KCNAB2: variants seen among roughly 807,000 people sequenced by gnomAD.
KCNAB2 encodes the protein potassium voltage-gated channel subfamily A regulatory beta subunit 2, also known as voltage-gated potassium channel subunit beta-2.
Under a neutral mutation model 63.6 loss-of-function variants are expected in KCNAB2, and 29 were observed. That is an observed-to-expected ratio of 0.46 (90% confidence interval 0.34 to 0.62). The LOEUF (loss-of-function observed/expected upper bound fraction) is 0.62, where lower values mean the gene tolerates loss of function less well. KCNAB2 is among the 20% of genes least tolerant of loss of function. The probability of loss-of-function intolerance (pLI) is 0.01; values close to 1 mark genes in which losing one functional copy is unlikely to be tolerated. For missense variants in KCNAB2, 359 were observed against 563.9 expected, an observed-to-expected ratio of 0.64 and a Z score of 3.68; for synonymous variants, 222 against 224.2, an observed-to-expected ratio of 0.99 and a Z score of 0.09.
chr1:6,048,563 ATATTTC>A (rs1301937224), intron 1 of KCNAB2, among the ~76,000 whole-genome samples: 2 of 152,198 alleles, frequency 1.3e-5, no homozygotes, highest in Admixed American at 6.5e-5. Context: ...GGCCTTGGCT[ATATTTC>A]TAGAGCCAAA....
upstream of KCNAB2, among the ~76,000 whole-genome samples, chr1:6,045,320 C>T (rs1206378701): frequency 6.6e-6 from 1 of 152,184 alleles, no homozygotes; most frequent in Non-Finnish European, 1.5e-5. The surrounding 1 kb of genome is among the most constrained non-coding windows in gnomAD (Gnocchi z 4.8). Context: ...CATCCTGTGA[C>T]ACGCAGTGAC....
At chr1:6,046,721 G>A (rs941460888) in intron 1 of KCNAB2, among the ~76,000 whole-genome samples, 3 of 152,146 alleles carry the variant, frequency 2.0e-5, no homozygotes, top group East Asian at 1.9e-4. Flanking sequence ...GCCGCACCCC[G>A]GAATGGTAGC....
At chr1:6,002,516 C>T (rs1209016111) in intron 1 of KCNAB2, among the ~76,000 whole-genome samples, 1 of 152,260 alleles carries the variant, frequency 6.6e-6, no homozygotes, top group Non-Finnish European at 1.5e-5. Flanking sequence ...TGCCTGTCAT[C>T]TGTACTGAGG....
At position 6,087,554 on chromosome 1, in the gene KCNAB2, G is replaced by T. The variant is rs780262925; in HGVS notation, c.470+43G>T. On this transcript the variant is annotated intron_variant, in intron 7 of 15. Coordinates refer to ENST00000378083, the MANE Select transcript of KCNAB2 (RefSeq NM_001199862.2). The surrounding 1 kb of genome is among the most constrained non-coding windows in gnomAD (Gnocchi z 6.4). ...CGATGCTTCCAGCCCCGGCCCAGCAGCCACGGCCCCGTGCTCCCCAGAGAC... is the reference window on the plus strand; with the variant it reads ...CGATGCTTCCAGCCCCGGCCCAGCATCCACGGCCCCGTGCTCCCCAGAGAC... 4 of 1,605,812 alleles carry T rather than the reference G, an allele frequency of 2.5e-6. No individual in the cohort carries two copies. Among genetic ancestry groups the T allele is most frequent in the Non-Finnish European group, 2.6e-6 (3 of 1,172,962 alleles).
intron 5 of KCNAB2, among the ~76,000 whole-genome samples, chr1:6,082,549 G>A (rs1051183558): frequency 6.6e-6 from 1 of 152,144 alleles, no homozygotes; most frequent in Non-Finnish European, 1.5e-5. Flanking sequence ...GGTGAGAGGC[G>A]CGATGGAGCT....
chr1:6,022,315 GTGGTATTGAGTGTACAGTTCAT>G (rs1434456846), intron 1 of KCNAB2, among the ~76,000 whole-genome samples: 35 of 152,084 alleles, frequency 2.3e-4, no homozygotes, highest in African/African-American at 6.3e-4. Context: ...GTATGGCTCA[GTGGTATTGAGTGTACAGTTCAT>G]TGGTATTGAG....
intron 1 of KCNAB2, among the ~76,000 whole-genome samples, chr1:6,000,665 A>AG (rs1400725979): frequency 4.0e-5 from 6 of 151,512 alleles, no homozygotes; most frequent in Non-Finnish European, 7.4e-5. Flanking sequence ...AGAAAAAAAA[A>AG]AAAAAGAAAA....
Position 6,078,821 on chromosome 1 carries a change from C to T in KCNAB2, c.301-3374C>T, listed in dbSNP as rs535948109. Among the ~76,000 whole-genome samples, 224 of 152,298 alleles carry T rather than the reference C, an allele frequency of 1.5e-3. 3 individuals are homozygous for T. Among genetic ancestry groups the T allele is most frequent in the Non-Finnish European group, 1.3e-3 (87 of 68,024 alleles). On this transcript the variant is annotated intron_variant, in intron 4 of 15. Transcript: ENST00000378083. The surrounding 1 kb of genome is among the most constrained non-coding windows in gnomAD (Gnocchi z 4.2). The stretch of plus-strand genomic sequence containing the variant: ...GAAGGCACATCCTGATGTGGCAGGG[C>T]TGTCGTGGAGCCTGGGAGGCCGCAT...
rs1301274871 is a variant in KCNAB2 at position 6,099,332 on chromosome 1, C to T, written c.*758C>T. 1.9e-5 allele frequency: 3 copies of T among 155,100 alleles called. No individual in the cohort carries two copies. The highest frequency in any genetic ancestry group is 4.8e-5 in the African/African-American group (2 of 41,524). 9.6% of individuals were successfully genotyped at this position (155,100 alleles called of 1,614,324 possible). A position where few individuals can be genotyped will look rare whatever the true frequency, so the allele number is the denominator to read the frequency against. ...AAAAGCGTAGCGGTGTGATTTCTAG[C>T]TCAGCCTCCCACCGTCTTCCTCCTA... On this transcript the variant is annotated 3_prime_UTR_variant, in exon 16 of 16. Transcript: ENST00000378083.
intron 1 of KCNAB2, among the ~76,000 whole-genome samples, chr1:6,000,560 G>T (rs541408133): frequency 1.3e-5 from 2 of 151,748 alleles, no homozygotes; most frequent in Admixed American, 6.6e-5. Flanking sequence ...TGGGGCAGGC[G>T]AGCCCGCTCC....
chr1:6,067,076 G>A (rs933263792), intron 2 of KCNAB2, among the ~76,000 whole-genome samples: 1 of 152,152 alleles, frequency 6.6e-6, no homozygotes, highest in Non-Finnish European at 1.5e-5. Flanking sequence ...TGTACAAAGG[G>A]TCCCGGGAGC....
intron 1 of KCNAB2, among the ~76,000 whole-genome samples, chr1:6,004,693 G>A (rs1015543754): frequency 6.6e-6 from 1 of 151,576 alleles, no homozygotes; most frequent in Non-Finnish European, 1.5e-5. Context: ...TGGCCTCATC[G>A]CAGGATTTCC....
At chr1:6,084,377 A>G (rs1664464562) in intron 5 of KCNAB2, among the ~76,000 whole-genome samples, 1 of 152,156 alleles carries the variant, frequency 6.6e-6, no homozygotes, top group Admixed American at 6.5e-5. Context: ...TGAGAGGGAC[A>G]CGTGCACCCA....
rs115933693 is a variant in KCNAB2, at chr1:6,090,149, T to A, written c.515-240T>A. Among the ~76,000 whole-genome samples, 1,282 of 152,332 alleles carry A rather than the reference T, an allele frequency of 8.4e-3. 8 individuals carry two copies. The highest frequency in any genetic ancestry group is 0.024 in the Middle Eastern group (7 of 294). On this transcript the variant is annotated intron_variant, in intron 8 of 15. Transcript: ENST00000378083. ...GAGGAGGGGCTTCCCCTTCATTTAG[T>A]CAAGGACACGTGGCCTGTGGTCCCC... is the stretch of plus-strand genomic sequence containing the variant.
intron 10 of KCNAB2, among the ~76,000 whole-genome samples, chr1:6,092,547 G>A (rs1354822224): frequency 4.6e-5 from 7 of 152,252 alleles, no homozygotes; most frequent in African/African-American, 9.6e-5. Context: ...GAGAAGAATC[G>A]GGAACTGATG....
upstream of KCNAB2, among the ~76,000 whole-genome samples, chr1:6,032,351 C>CA (rs1311874577): frequency 6.6e-6 from 1 of 152,136 alleles, no homozygotes; most frequent in African/African-American, 2.4e-5. Flanking sequence ...GAGGCCAAGG[C>CA]AGGCAGATCA....
chr1:6,026,029 G>T (rs1464589790), intron 1 of KCNAB2: 2 of 153,112 alleles, frequency 1.3e-5, no homozygotes, highest in African/African-American at 2.4e-5. Flanking sequence ...AGAACCCTCT[G>T]CCCTGAGAAA....
At chr1:6,089,790 T>C (rs1665026298) in intron 8 of KCNAB2, among the ~76,000 whole-genome samples, 3 of 152,160 alleles carry the variant, frequency 2.0e-5, no homozygotes, top group Non-Finnish European at 4.4e-5. Flanking sequence ...CCCCACCTCC[T>C]GGGTTCAAGC....
At chr1:6,092,530 C>G (rs1451174369) in intron 10 of KCNAB2, among the ~76,000 whole-genome samples, 1 of 152,232 alleles carries the variant, frequency 6.6e-6, no homozygotes, top group Middle Eastern at 3.2e-3. Context: ...GGACCTAAGC[C>G]TTGGCTGAGA....
Sources: gnomAD v4.1 joint callset for allele counts (sites outside exome capture counted in the v4.1 genomes callset) on GRCh38, gnomAD v4.1.1 for gene constraint, Gnocchi (gnomAD v3.1) non-coding constraint, MANE v1.5 for transcripts, NCBI Gene and HGNC (gene_info 2026-07-23, HGNC 2026-07-21) for gene names.